CCDC39: variants seen among roughly 807,000 people sequenced by gnomAD.
CCDC39 encodes coiled-coil domain-containing protein 39.
CCDC39 carries 113 observed loss-of-function variants against 121.0 expected under a neutral mutation model. That is an observed-to-expected ratio of 0.93 (90% confidence interval 0.80 to 1.09). The LOEUF is 1.09. Ranked by LOEUF, CCDC39 falls within the 50% of genes least tolerant of loss-of-function variation. The pLI, the probability that CCDC39 is intolerant of heterozygous loss-of-function variation, is 0.00. For synonymous variants in CCDC39, 349 were observed against 352.2 expected (o/e 0.99, Z 0.10); for missense variants, 1,063 against 1,074.7 (o/e 0.99, Z 0.15).
intron 13 of CCDC39, among the ~76,000 whole-genome samples, chr3:180,638,999 T>A (rs1242060698): frequency 6.6e-6 from 1 of 152,122 alleles, no homozygotes; most frequent in Non-Finnish European, 1.5e-5. Context: ...CAAGAACACA[T>A]ATGTTCATAG....
chr3:180,656,214 T>C (rs896898026), intron 6 of CCDC39, among the ~76,000 whole-genome samples: 1 of 152,222 alleles, frequency 6.6e-6, no homozygotes. Flanking sequence ...CCAGAGTTTC[T>C]TGCCTTATGA....
chr3:180,650,812 A>T (rs1718183642), intron 9 of CCDC39, among the ~76,000 whole-genome samples: 1 of 151,492 alleles, frequency 6.6e-6, no homozygotes, highest in Non-Finnish European at 1.5e-5. Flanking sequence ...AGCTGAGATC[A>T]TGTCACTGCA....
At chr3:180,641,709 T>C (rs1466223944) in intron 13 of CCDC39, among the ~76,000 whole-genome samples, 1 of 152,156 alleles carries the variant, frequency 6.6e-6, no homozygotes, top group African/African-American at 2.4e-5. Context: ...TGAATATCTA[T>C]TTTTAAAAAG....
intron 19 of CCDC39, among the ~76,000 whole-genome samples, chr3:180,615,776 T>C (rs1717208701): frequency 6.6e-6 from 1 of 152,028 alleles, no homozygotes; most frequent in African/African-American, 2.4e-5. Flanking sequence ...CATCTGGTGA[T>C]AGAATTCTGG....
In CCDC39 at chr3:180,655,208, T is replaced by C. The variant is rs116288285; in HGVS notation, c.739-255A>G. Reference sequence around the variant, plus strand: ...AATTTTGCTAAAGAGATGAGAAAAATGGTTATGCTTTTATATATGAAAGGT... The same window carrying C: ...AATTTTGCTAAAGAGATGAGAAAAACGGTTATGCTTTTATATATGAAAGGT... On this transcript the variant is annotated intron_variant, in intron 6 of 19. Transcript: ENST00000476379. Among the ~76,000 whole-genome samples the C allele has an allele frequency of 5.3e-3, 808 of 152,220 alleles. 9 individuals carry two copies. The highest frequency in any genetic ancestry group is 0.019 in the African/African-American group (773 of 41,564).
chr3:180,619,189 A>G, intron 16 of CCDC39, 70 bp downstream of exon 16: 1 of 749,750 alleles, frequency 1.3e-6, no homozygotes, highest in Non-Finnish European at 2.4e-6. Flanking sequence ...AGAGCAAGAG[A>G]ATAGAAGTAG....
chr3:180,654,824 GT>G lies in CCDC39; in HGVS notation c.867del (p.Lys289AsnfsTer3). 1 of 1,610,678 alleles carries G rather than the reference GT, an allele frequency of 6.2e-7. No homozygotes were observed. Among genetic ancestry groups the G allele is most frequent in the Non-Finnish European group, 8.5e-7 (1 of 1,178,526 alleles). On this transcript the variant is annotated frameshift_variant, in exon 7 of 20. Coordinates refer to ENST00000476379, the MANE Select transcript of CCDC39 (RefSeq NM_181426.2). LOFTEE classifies it high-confidence loss of function. ...FEKRISVADR[K>X]LLKCRTAYQD... ...TGATATGCCGTTCTACATTTTAAAA[GT>G]TTACGATCAGCCACAGAAATTCTTT... is the stretch of plus-strand genomic sequence containing the variant.
intron 1 of CCDC39, among the ~76,000 whole-genome samples, chr3:180,664,877 T>C (rs1431473091): frequency 6.6e-6 from 1 of 150,704 alleles, no homozygotes; most frequent in Non-Finnish European, 1.5e-5. Context: ...TTTTTTTTTT[T>C]TGGTATTTTT....
chr3:180,629,603 T>C (rs1228927158), intron 14 of CCDC39, among the ~76,000 whole-genome samples: 5 of 152,224 alleles, frequency 3.3e-5, no homozygotes. Flanking sequence ...TTTCCTGATA[T>C]AAGCTAGACT....
intron 1 of CCDC39, among the ~76,000 whole-genome samples, chr3:180,674,151 T>C (rs943348886): frequency 6.6e-6 from 1 of 151,994 alleles, no homozygotes; most frequent in African/African-American, 2.4e-5. Context: ...TCTTTTATTT[T>C]GTTGAGCAGT....
In CCDC39 at chr3:180,614,377, G is replaced by C. The variant is rs1340403460; in HGVS notation, c.*544C>G. On this transcript the variant is annotated 3_prime_UTR_variant, in exon 20 of 20. Transcript: ENST00000476379. ...TGTTTCTCTTACCGGTTTTTTTTTGGGGGGGTGGGGTGGGTAGGGGTTGAT... is the reference window on the plus strand; with the variant it reads ...TGTTTCTCTTACCGGTTTTTTTTTGCGGGGGTGGGGTGGGTAGGGGTTGAT... The C allele has an allele frequency of 1.3e-5, 2 of 149,698 alleles. No individual in the cohort carries two copies. The highest frequency in any genetic ancestry group is 2.1e-4 in the South Asian group (1 of 4,732). 9.3% of individuals were successfully genotyped at this position (149,698 alleles called of 1,614,324 possible).
At chr3:180,644,062 T>C in intron 12 of CCDC39, 58 bp downstream of exon 12, 1 of 1,301,478 alleles carries the variant, frequency 7.7e-7, no homozygotes. Context: ...TTCATTTGTC[T>C]ACAATTAACA....
chr3:180,635,784 GCTGTC>G (rs986425701), intron 13 of CCDC39, among the ~76,000 whole-genome samples: 4 of 152,168 alleles, frequency 2.6e-5, no homozygotes, highest in African/African-American at 9.7e-5. Flanking sequence ...CATGGTGCAA[GCTGTC>G]GTGGCTCAAC....
At chr3:180,636,066 G>A (rs766740664) in intron 13 of CCDC39, among the ~76,000 whole-genome samples, 5 of 152,050 alleles carry the variant, frequency 3.3e-5, no homozygotes, top group Admixed American at 6.6e-5. Context: ...GCCCTCTCTC[G>A]TCACTCTTAG....
chr3:180,616,171 G>A (rs1015959368), intron 19 of CCDC39, 110 bp downstream of exon 19: 1 of 819,068 alleles, frequency 1.2e-6, no homozygotes, highest in Non-Finnish European at 2.1e-6. Context: ...AAGAACACTG[G>A]CAGTGAGTGC....
intron 1 of CCDC39, among the ~76,000 whole-genome samples, chr3:180,665,409 T>G (rs1224323102): frequency 3.3e-5 from 5 of 152,126 alleles, no homozygotes; most frequent in African/African-American, 1.2e-4. Context: ...GTCAGGGATA[T>G]CTCCTGAGGG....
chr3:180,614,967 G>C lies in CCDC39; in HGVS notation c.2780C>G (p.Ala927Gly). 6.4e-7 allele frequency: 1 copy of C among 1,566,676 alleles called. No homozygotes were observed. Among genetic ancestry groups the C allele is most frequent in the Non-Finnish European group, 8.7e-7 (1 of 1,153,694 alleles). The stretch of plus-strand genomic sequence containing the variant: ...CTTAACATTACTAGAGCTACTACTA[G>C]CACTAGATGGCCTAGAAGGGCTGCC... ...LVGSPSRPSS[A>G]SSSSSNVKSK... The change falls in exon 20 of 20, where the codon GCT (alanine) becomes GGT (glycine). Residue 927 changes from alanine to glycine, a missense_variant. Coordinates refer to ENST00000476379, the MANE Select transcript of CCDC39 (RefSeq NM_181426.2).
chr3:180,631,699 TCAAA>T (rs1303304749), intron 13 of CCDC39, 107 bp from the exon 14 acceptor site: 2 of 869,816 alleles, frequency 2.3e-6, no homozygotes, highest in Non-Finnish European at 3.5e-6. Context: ...ACTACTAAAC[TCAAA>T]CAGGTTAAAT....
At chr3:180,656,993 G>A (rs1407932851) in intron 6 of CCDC39, among the ~76,000 whole-genome samples, 1 of 152,190 alleles carries the variant, frequency 6.6e-6, no homozygotes, top group Non-Finnish European at 1.5e-5. Flanking sequence ...CTATGGAATA[G>A]CCATTCCTTT....
Sources: allele counts gnomAD v4.1 joint callset (sites outside exome capture counted in the v4.1 genomes callset), GRCh38; gene constraint gnomAD v4.1.1; transcripts MANE v1.5; gene names NCBI Gene and HGNC (gene_info 2026-07-23, HGNC 2026-07-21).